The following NRG1 variants were observed in gnomAD, a reference collection of about 807,000 sequenced individuals.
NRG1 encodes the protein neuregulin 1, also known as pro-neuregulin-1, membrane-bound isoform.
A neutral mutation model predicts 63.8 loss-of-function variants in NRG1; 18 were observed. That is an observed-to-expected ratio of 0.28 (90% CI 0.19 to 0.42). The LOEUF (loss-of-function observed/expected upper bound fraction) is 0.42, where lower values mean the gene tolerates loss of function less well. Ranked by LOEUF, NRG1 falls within the 10% of genes least tolerant of loss-of-function variation. NRG1 has a pLI of 1.00. For missense variants in NRG1, 762 were observed against 814.7 expected, an observed-to-expected ratio of 0.94 and a Z score of 0.79; for synonymous variants, 302 against 301.3, an observed-to-expected ratio of 1.00 and a Z score of -0.02.
At chr8:31,842,011 A>G (rs929793742) in intron 1 of NRG1, among the ~76,000 whole-genome samples, 7 of 152,160 alleles carry the variant, frequency 4.6e-5, no homozygotes, top group African/African-American at 1.7e-4. Context: ...CCTCCTCCCC[A>G]TTCTACTCAG....
chr8:31,666,797 G>T (rs990832381), intron 1 of NRG1, among the ~76,000 whole-genome samples: 13 of 152,166 alleles, frequency 8.5e-5, no homozygotes, highest in African/African-American at 2.9e-4. Flanking sequence ...CTTTTGACAG[G>T]TTCTACCACA....
intron 1 of NRG1, among the ~76,000 whole-genome samples, chr8:31,660,231 T>C (rs1315984114): frequency 1.3e-5 from 2 of 152,192 alleles, no homozygotes; most frequent in East Asian, 1.9e-4. Context: ...CTATGATTGA[T>C]TGCTGTTCTG....
At chr8:32,556,286 C>T (rs1383736321) in intron 1 of NRG1, among the ~76,000 whole-genome samples, 2 of 152,136 alleles carry the variant, frequency 1.3e-5, no homozygotes, top group Admixed American at 6.5e-5. Context: ...TAAAAGAAAT[C>T]TGAGCTAGGG....
chr8:32,603,755 G>C (rs1438645166), intron 2 of NRG1, among the ~76,000 whole-genome samples: 1 of 152,126 alleles, frequency 6.6e-6, no homozygotes. Context: ...GATTACAGGC[G>C]TGAGCCACTG....
intron 1 of NRG1, among the ~76,000 whole-genome samples, chr8:31,790,112 G>A (rs868360495): frequency 6.6e-5 from 10 of 152,308 alleles, no homozygotes; most frequent in Middle Eastern, 3.4e-3. Context: ...GGTAAAGAGA[G>A]TACATTGCCC....
chr8:32,109,065 T>C (rs994864078), intron 1 of NRG1, among the ~76,000 whole-genome samples: 1 of 152,212 alleles, frequency 6.6e-6, no homozygotes, highest in African/African-American at 2.4e-5. Context: ...GCAACATCTT[T>C]GGTGTAATTA....
At chr8:32,480,484 C>CA (rs1218570239) in intron 1 of NRG1, among the ~76,000 whole-genome samples, 3 of 75,326 alleles carry the variant, frequency 4.0e-5, no homozygotes, top group African/African-American at 4.6e-5. Context: ...AAAACAAAAA[C>CA]AAAAACAAAA....
chr8:31,941,100 G>A (rs1055727865), intron 1 of NRG1, among the ~76,000 whole-genome samples: 6 of 151,692 alleles, frequency 4.0e-5, no homozygotes, highest in Admixed American at 6.6e-5. Flanking sequence ...AACAAAAAAC[G>A]AAAACTACAG....
intron 1 of NRG1, among the ~76,000 whole-genome samples, chr8:31,669,494 C>T (rs1056240658): frequency 5.3e-5 from 8 of 152,144 alleles, no homozygotes; most frequent in African/African-American, 1.9e-4. Context: ...CCACCTTGGT[C>T]TCCCAAAGTT....
At chr8:32,470,801 C>CT (rs1220044017) in intron 1 of NRG1, among the ~76,000 whole-genome samples, 44 of 146,048 alleles carry the variant, frequency 3.0e-4, no homozygotes, top group Non-Finnish European at 3.5e-4. Flanking sequence ...CTCGTTGGGT[C>CT]TTTTTTTTTT....
intron 1 of NRG1, among the ~76,000 whole-genome samples, chr8:32,240,582 G>A (rs1848001380): frequency 6.6e-6 from 1 of 152,046 alleles, no homozygotes; most frequent in Admixed American, 6.6e-5. Flanking sequence ...TAAGACCAGA[G>A]AAACTTATTT....
At chr8:32,306,940 C>A (rs7002924) in intron 1 of NRG1, among the ~76,000 whole-genome samples, 2 of 152,032 alleles carry the variant, frequency 1.3e-5, no homozygotes, top group African/African-American at 4.8e-5. Flanking sequence ...AAATTTTAAT[C>A]CCTAGCAGGT....
At chr8:31,770,905 G>A (rs1818563392) in intron 1 of NRG1, among the ~76,000 whole-genome samples, 1 of 151,736 alleles carries the variant, frequency 6.6e-6, no homozygotes. Flanking sequence ...TGTCCATCAT[G>A]GAAAGCATAT....
At chr8:32,429,490 G>A (rs1467761670) in intron 1 of NRG1, among the ~76,000 whole-genome samples, 7 of 152,160 alleles carry the variant, frequency 4.6e-5, no homozygotes, top group Non-Finnish European at 1.0e-4. Context: ...CACCTTGGCA[G>A]TAACTTACGC....
At chr8:31,982,061 G>T (rs569850771) in intron 1 of NRG1, among the ~76,000 whole-genome samples, 1 of 151,878 alleles carries the variant, frequency 6.6e-6, no homozygotes, top group African/African-American at 2.4e-5. Context: ...AGCTGTGGTC[G>T]CAGTCACAGC....
intron 9 of NRG1, among the ~76,000 whole-genome samples, 157 bp from the exon 10 acceptor site, chr8:32,759,149 G>C (rs188334560): frequency 4.8e-4 from 73 of 152,066 alleles, no homozygotes; most frequent in African/African-American, 1.7e-3. Flanking sequence ...TTTTCCACCT[G>C]GCCATTGGGG....
At chr8:31,854,102 G>A (rs1827565616) in intron 1 of NRG1, among the ~76,000 whole-genome samples, 1 of 151,420 alleles carries the variant, frequency 6.6e-6, no homozygotes, top group Non-Finnish European at 1.5e-5. Context: ...GCCCGGCTTT[G>A]GTATCAGGAT....
intron 5 of NRG1, among the ~76,000 whole-genome samples, chr8:32,693,507 C>T (rs1812409489): frequency 6.6e-6 from 1 of 150,822 alleles, no homozygotes; most frequent in Non-Finnish European, 1.5e-5. Flanking sequence ...TGAGCCACCA[C>T]ACCCGGCCAG....
At chr8:32,508,263 T>C (rs1250145882) in intron 1 of NRG1, among the ~76,000 whole-genome samples, 1 of 149,042 alleles carries the variant, frequency 6.7e-6, no homozygotes, top group African/African-American at 2.4e-5. Context: ...TAATATGTTC[T>C]GCTGTAAACA....
Sources: gnomAD v4.1 joint callset for allele counts (sites outside exome capture counted in the v4.1 genomes callset) on GRCh38, gnomAD v4.1.1 for gene constraint, MANE v1.5 for transcripts, NCBI Gene and HGNC (gene_info 2026-07-23, HGNC 2026-07-21) for gene names.